Variants in CAST observed in about 807,000 individuals in gnomAD.
CAST encodes MIR583 host.
Under a neutral mutation model 119.6 loss-of-function variants are expected in CAST, and 76 were observed. The observed-to-expected ratio is 0.64, with a 90% confidence interval of 0.53 to 0.77. CAST has a LOEUF of 0.77. Ranked by LOEUF, CAST falls within the 30% of genes least tolerant of loss-of-function variation. The pLI is 0.00. For missense variants in CAST, 953 were observed against 946.5 expected, an observed-to-expected ratio of 1.01 and a Z score of -0.09; for synonymous variants, 319 against 331.6, an observed-to-expected ratio of 0.96 and a Z score of 0.41.
At chr5:95,992,279 T>C in the CAST span, among the ~76,000 whole-genome samples, 1 of 152,086 alleles carries the variant, frequency 6.6e-6, no homozygotes, top group East Asian at 1.9e-4. Context: ...ATACATAGAA[T>C]CATTTCAATT....
chr5:96,459,909 G>A, the CAST span, among the ~76,000 whole-genome samples: 32 of 152,234 alleles, frequency 2.1e-4, no homozygotes, highest in African/African-American at 7.0e-4. Context: ...ACAAACAGAC[G>A]TAAGCAGAAT....
the CAST span, among the ~76,000 whole-genome samples, chr5:96,374,114 A>G: frequency 6.6e-6 from 1 of 152,240 alleles, no homozygotes; most frequent in Non-Finnish European, 1.5e-5. Context: ...ACTTCAAAGT[A>G]GAATAATTGC....
chr5:96,465,683 T>C, the CAST span, among the ~76,000 whole-genome samples: 3 of 152,126 alleles, frequency 2.0e-5, no homozygotes, highest in African/African-American at 7.2e-5. Flanking sequence ...CTGAGCAGAA[T>C]GTATGTTGTA....
chr5:95,990,448 A>T, the CAST span, among the ~76,000 whole-genome samples: 1 of 152,016 alleles, frequency 6.6e-6, no homozygotes, highest in Non-Finnish European at 1.5e-5. Flanking sequence ...GTTTGTTTTT[A>T]TAATATTAAA....
chr5:96,549,071 G>A (rs263377), intron 1 of CAST, among the ~76,000 whole-genome samples: 51,205 of 152,054 alleles, frequency 0.34, 9,318 homozygotes, highest in Middle Eastern at 0.46. Flanking sequence ...ACTGGCAAGC[G>A]AAAATCTACT....
the CAST span, among the ~76,000 whole-genome samples, chr5:96,069,820 T>G: frequency 6.6e-6 from 1 of 151,974 alleles, no homozygotes; most frequent in Non-Finnish European, 1.5e-5. Context: ...TGATTTGTTT[T>G]AAGGATTTGG....
chr5:96,716,190 T>C (rs1287537946), intron 3 of CAST, among the ~76,000 whole-genome samples: 1 of 152,346 alleles, frequency 6.6e-6, no homozygotes, highest in South Asian at 2.1e-4. Flanking sequence ...AGAATGTCCA[T>C]GTCTTTCTTA....
the CAST span, among the ~76,000 whole-genome samples, chr5:96,456,851 C>T: frequency 2.6e-5 from 4 of 152,184 alleles, no homozygotes; most frequent in African/African-American, 4.8e-5. Flanking sequence ...ATCCTGTTCT[C>T]ATGATAGTGA....
At chr5:96,534,171 A>G (rs1282834195) in intron 1 of CAST, among the ~76,000 whole-genome samples, 1 of 152,190 alleles carries the variant, frequency 6.6e-6, no homozygotes, top group Non-Finnish European at 1.5e-5. Context: ...GTAAAATGAA[A>G]TGTGTCAACA....
At position 96,635,683 on chromosome 5, in the gene CAST, T is replaced by C. The variant is rs17086435; in HGVS notation, c.61-39856T>C. 6.4e-3 allele frequency among the ~76,000 whole-genome samples: 981 copies of C among 152,308 alleles called. 8 individuals are homozygous for C. Among genetic ancestry groups the C allele is most frequent in the African/African-American group, 0.023 (940 of 41,564 alleles). On this transcript the variant is annotated intron_variant, in intron 1 of 11. Coordinates refer to the CAST transcript ENST00000505143. ...TGCATTTGTTCTGTCCTAGTGAAAATCACAAACAGTCAATGTTCATAGCCA... is the reference window on the plus strand; with the variant it reads ...TGCATTTGTTCTGTCCTAGTGAAAACCACAAACAGTCAATGTTCATAGCCA...
chr5:96,533,040 A>T (rs945171600), intron 1 of CAST, among the ~76,000 whole-genome samples: 13 of 151,702 alleles, frequency 8.6e-5, no homozygotes, highest in African/African-American at 2.7e-4. Context: ...AAAAAAAATA[A>T]AAATAAAAAT....
intron 21 of CAST, 89 bp from the exon 22 acceptor site, chr5:96,754,569 T>C (rs1005676440): frequency 1.3e-6 from 1 of 780,542 alleles, no homozygotes; most frequent in Non-Finnish European, 2.2e-6. Flanking sequence ...TAATGATAGA[T>C]TTGTTTACCT....
chr5:96,589,201 C>G (rs866508139), intron 1 of CAST, among the ~76,000 whole-genome samples: 2 of 152,188 alleles, frequency 1.3e-5, no homozygotes, highest in Non-Finnish European at 2.9e-5. Context: ...AAAGGTCCAA[C>G]TGATGCTCAT....
At chr5:96,375,436 G>GTT in the CAST span, among the ~76,000 whole-genome samples, 63 of 125,326 alleles carry the variant, frequency 5.0e-4, no homozygotes, top group Admixed American at 9.6e-4. Flanking sequence ...GTGTGTGTGT[G>GTT]TTTTTTTTAC....
rs1250479145 is a variant in CAST at position 96,726,832 on chromosome 5, T to G, written c.309T>G (p.Leu103=). ...PVSQQMEGPH[L]PNKKKHKKQA... is the part of the protein sequence containing the mutation. ...GCCAACAGATGGAAGGACCACATCT[T>G]CCTAACAAGAAAAAACACAAAAAAC... Residue 103 remains leucine (L), a synonymous_variant, in exon 5 of 32, where the codon CTT becomes CTG. Coordinates refer to ENST00000675179, the MANE Select transcript of CAST (RefSeq NM_001750.7). 1.9e-6 allele frequency: 3 copies of G among 1,613,630 alleles called. 1 individual carries two copies. The South Asian group carries it at 3.3e-5, about 18-fold the overall frequency.
intron 3 of CAST, among the ~76,000 whole-genome samples, chr5:96,709,119 G>A (rs537035208): frequency 6.6e-6 from 1 of 152,322 alleles, no homozygotes; most frequent in Admixed American, 6.5e-5. Flanking sequence ...GTCCTTGAGT[G>A]CCCAATGGCA....
At chr5:96,110,009 A>G in the CAST span, among the ~76,000 whole-genome samples, 1 of 152,202 alleles carries the variant, frequency 6.6e-6, no homozygotes, top group Non-Finnish European at 1.5e-5. Flanking sequence ...GAGTGAATGC[A>G]AGAAACTGTT....
the CAST span, among the ~76,000 whole-genome samples, chr5:96,341,828 TG>T: frequency 6.6e-6 from 1 of 152,194 alleles, no homozygotes; most frequent in Non-Finnish European, 1.5e-5. Flanking sequence ...AAAGATATGT[TG>T]AATACACTAA....
chr5:96,183,543 T>G, the CAST span, among the ~76,000 whole-genome samples: 1 of 152,172 alleles, frequency 6.6e-6, no homozygotes, highest in African/African-American at 2.4e-5. Flanking sequence ...CAATAACAAT[T>G]TATTATGAAG....
Sources: gnomAD v4.1 joint callset for allele counts (sites outside exome capture counted in the v4.1 genomes callset) on GRCh38, gnomAD v4.1.1 for gene constraint, MANE v1.5 for transcripts, NCBI Gene and HGNC (gene_info 2026-07-23, HGNC 2026-07-21) for gene names.